The following ACTR3 variants were observed in gnomAD, a reference collection of about 807,000 sequenced individuals.
The protein encoded by ACTR3 is actin related protein 3, also known as actin-related protein 3.
A neutral mutation model predicts 56.8 loss-of-function variants in ACTR3; 12 were observed. The observed-to-expected ratio is 0.21, with a 90% CI of 0.14 to 0.34. ACTR3 has a LOEUF of 0.34. ACTR3 is among the 10% of genes least tolerant of loss of function. The pLI is 1.00. For missense variants in ACTR3, 282 were observed against 512.5 expected (o/e 0.55, Z 4.34); for synonymous variants, 162 against 167.4 (o/e 0.97, Z 0.25).
chr2:113,938,410 CTTTATAAGTA>C lies in ACTR3; in HGVS notation c.541-1544_541-1535del, dbSNP rs201165486. Among the ~76,000 whole-genome samples the C allele has an allele frequency of 7.6e-3, 1,150 of 152,044 alleles. 14 individuals are homozygous for C. Among genetic ancestry groups the C allele is most frequent in the African/African-American group, 0.026 (1,097 of 41,442 alleles). On this transcript the variant is annotated intron_variant, in intron 6 of 11. Coordinates refer to ENST00000263238, the MANE Select transcript of ACTR3 (RefSeq NM_005721.5). Reference sequence around the variant, plus strand: ...TGTTGTGTATTGTATTTTTGGAGTTCTTTATAAGTATTTAGGATTTTTTCCTGGGACATAG... The same window carrying C: ...TGTTGTGTATTGTATTTTTGGAGTTCTTTAGGATTTTTTCCTGGGACATAG...
At chr2:113,917,404 C>A (rs1430513080) in intron 3 of ACTR3, among the ~76,000 whole-genome samples, 1 of 151,860 alleles carries the variant, frequency 6.6e-6, no homozygotes, top group Non-Finnish European at 1.5e-5. Context: ...CCCTCTTTTT[C>A]TTTTTCCCTT....
At chr2:113,892,196 G>A (rs1678917166) in intron 1 of ACTR3, among the ~76,000 whole-genome samples, 1 of 152,160 alleles carries the variant, frequency 6.6e-6, no homozygotes, top group Admixed American at 6.5e-5. Context: ...GAGATAAACT[G>A]TCCTTAAGTG....
chr2:113,930,094 GTTA>G (rs1679692595), intron 4 of ACTR3, among the ~76,000 whole-genome samples: 1 of 152,038 alleles, frequency 6.6e-6, no homozygotes, highest in South Asian at 2.1e-4. Flanking sequence ...ATGTACGATT[GTTA>G]TTATTAGCTA....
At chr2:113,891,661 C>T (rs1272703991) in intron 1 of ACTR3, among the ~76,000 whole-genome samples, 1 of 149,932 alleles carries the variant, frequency 6.7e-6, no homozygotes, top group Non-Finnish European at 1.5e-5. Context: ...ATTATTGTTA[C>T]TTAAAAGATT....
chr2:113,950,494 C>T (rs1182987838), intron 8 of ACTR3, among the ~76,000 whole-genome samples: 2 of 152,172 alleles, frequency 1.3e-5, no homozygotes, highest in African/African-American at 4.8e-5. Context: ...TTGCTCTACA[C>T]GTGCATGTCC....
At position 113,901,210 on chromosome 2, in the gene ACTR3, T is replaced by C. The variant is rs373532279; in HGVS notation, c.44+10887T>C. Among the ~76,000 whole-genome samples, 5 of 152,202 alleles carry C rather than the reference T, an allele frequency of 3.3e-5. No individual in the cohort carries two copies. The South Asian group carries it at 8.3e-4, about 25-fold the overall frequency. ...GCGTGTGCCTGTAATCCCAGCTACT[T>C]GGGAGGCTGAGGCAGGAGAATTGCT... On this transcript the variant is annotated intron_variant, in intron 1 of 11. Coordinates refer to ENST00000263238, the MANE Select transcript of ACTR3 (RefSeq NM_005721.5).
At chr2:113,955,979 T>A (rs931114729) in intron 11 of ACTR3, among the ~76,000 whole-genome samples, 1 of 152,134 alleles carries the variant, frequency 6.6e-6, no homozygotes, top group Non-Finnish European at 1.5e-5. Flanking sequence ...ACTCCTGACC[T>A]TGGGATCTGC....
intron 3 of ACTR3, among the ~76,000 whole-genome samples, chr2:113,926,720 A>G (rs1679626972): frequency 6.6e-6 from 1 of 152,200 alleles, no homozygotes; most frequent in Non-Finnish European, 1.5e-5. Flanking sequence ...ATGACCTCTT[A>G]AAGGCCCTAC....
In ACTR3 at chr2:113,902,757, G is replaced by A. The variant is rs550265261; in HGVS notation, c.45-10415G>A. On this transcript the variant is annotated intron_variant, in intron 1 of 11. Coordinates refer to ENST00000263238, the MANE Select transcript of ACTR3 (RefSeq NM_005721.5). ...TGAAATTACAGGTGCCCGTCACCACGCCTGGCTAGTTTTTGTATTTTTAGT... is the reference window on the plus strand; with the variant it reads ...TGAAATTACAGGTGCCCGTCACCACACCTGGCTAGTTTTTGTATTTTTAGT... Among the ~76,000 whole-genome samples the A allele has an allele frequency of 2.1e-3, 323 of 152,074 alleles. 2 individuals carry two copies. Among genetic ancestry groups the A allele is most frequent in the African/African-American group, 7.4e-3 (308 of 41,482 alleles).
intron 8 of ACTR3, among the ~76,000 whole-genome samples, chr2:113,942,670 A>G (rs1401599549): frequency 6.6e-6 from 1 of 151,880 alleles, no homozygotes; most frequent in East Asian, 1.9e-4. Context: ...ACTCAGGTAA[A>G]GTTTTGTAAT....
At chr2:113,916,857 C>A in intron 2 of ACTR3, 27 bp from the exon 3 acceptor site, 1 of 1,563,508 alleles carries the variant, frequency 6.4e-7, no homozygotes, top group African/African-American at 1.4e-5. Context: ...AAAATGAATT[C>A]TTTGACATGT....
chr2:113,894,514 A>G (rs1678968006), intron 1 of ACTR3, among the ~76,000 whole-genome samples: 1 of 152,260 alleles, frequency 6.6e-6, no homozygotes, highest in South Asian at 2.1e-4. Context: ...TGTTTGAAGT[A>G]AGTACAACAG....
At chr2:113,947,023 C>T (rs764598366) in intron 8 of ACTR3, among the ~76,000 whole-genome samples, 15 of 152,068 alleles carry the variant, frequency 9.9e-5, no homozygotes, top group Non-Finnish European at 1.6e-4. Flanking sequence ...GTCATTTTAG[C>T]GGAGAGTCAA....
chr2:113,950,146 T>C (rs1300910747), intron 8 of ACTR3, among the ~76,000 whole-genome samples: 1 of 152,224 alleles, frequency 6.6e-6, no homozygotes, highest in Non-Finnish European at 1.5e-5. Flanking sequence ...TTGTTTCATG[T>C]GTGTTTCTTT....
intron 1 of ACTR3, among the ~76,000 whole-genome samples, chr2:113,897,757 AC>A (rs1251664517): frequency 2.6e-5 from 4 of 151,526 alleles, no homozygotes; most frequent in African/African-American, 9.7e-5. Context: ...GAACTCCTGA[AC>A]TCAAGTGATC....
At position 113,890,154 on chromosome 2, in the gene ACTR3, A is replaced by AC. The variant is rs1488751259; in HGVS notation, c.-120dup. 10 of 1,265,102 alleles carry AC rather than the reference A, an allele frequency of 7.9e-6. No homozygotes were observed. Among genetic ancestry groups the AC allele is most frequent in the African/African-American group, 1.5e-5 (1 of 66,242 alleles). 78.4% of individuals were successfully genotyped at this position (1,265,102 alleles called of 1,614,324 possible). On this transcript the variant is annotated 5_prime_UTR_variant, in exon 1 of 12. Transcript: ENST00000263238. ...TTGCTACTGCTTCGGCTTCCCGGCTACCCCCCGGACGGTGAAGGCGGCCCA... is the reference window on the plus strand; with the variant it reads ...TTGCTACTGCTTCGGCTTCCCGGCTACCCCCCCGGACGGTGAAGGCGGCCCA...
intron 1 of ACTR3, among the ~76,000 whole-genome samples, chr2:113,897,416 A>T (rs1040582419): frequency 1.3e-5 from 2 of 152,000 alleles, no homozygotes; most frequent in Non-Finnish European, 2.9e-5. Flanking sequence ...TTGTTTCAGA[A>T]TTTTCAAAAT....
intron 1 of ACTR3, among the ~76,000 whole-genome samples, chr2:113,910,654 T>C (rs1056020778): frequency 5.3e-5 from 8 of 152,168 alleles, no homozygotes; most frequent in Middle Eastern, 3.2e-3. Flanking sequence ...CACTGCAGAA[T>C]TGATTGCTTT....
chr2:113,939,855 A>T lies in ACTR3; in HGVS notation c.541-104A>T, dbSNP rs1375330889. On this transcript the variant is annotated intron_variant, in intron 6 of 11. Coordinates refer to ENST00000263238, the MANE Select transcript of ACTR3 (RefSeq NM_005721.5). ...AGATAAAGCAGTACTTGAGACTATA[A>T]ATACACTAACTTAATAAATTGGTCT... 6.6e-6 allele frequency: 7 copies of T among 1,066,866 alleles called. No individual in the cohort carries two copies. In the African/African-American group the frequency reaches 1.1e-4, roughly 17 times the overall value. The allele number at this position is 1,066,866 out of a possible 1,614,324, so 66.1% of individuals were successfully genotyped here.
Sources: gnomAD v4.1 joint callset for allele counts (sites outside exome capture counted in the v4.1 genomes callset) on GRCh38, gnomAD v4.1.1 for gene constraint, MANE v1.5 for transcripts, NCBI Gene and HGNC (gene_info 2026-07-23, HGNC 2026-07-21) for gene names.